ST7: variants seen among roughly 807,000 people sequenced by gnomAD.
ST7 encodes the protein suppression of tumorigenicity 7.
In ST7, 28 loss-of-function variants were observed where a neutral mutation model predicts 78.7. The ratio of observed to expected loss-of-function variants is 0.36; its 90% CI spans 0.26 to 0.49. The LOEUF is 0.49. Among genes scored for constraint, ST7 ranks in the 20% least tolerant of loss-of-function variants. The pLI is 0.99. For missense variants in ST7, 418 were observed against 696.0 expected (o/e 0.60, Z 4.49); for synonymous variants, 247 against 249.6 (o/e 0.99, Z 0.10).
chr7:117,054,019 G>A (rs1002984674), intron 1 of ST7, among the ~76,000 whole-genome samples: 3 of 152,040 alleles, frequency 2.0e-5, no homozygotes, highest in Admixed American at 2.0e-4. Flanking sequence ...TGTATTTTTA[G>A]TAGAGATGGG....
At chr7:116,969,129 G>T in intron 1 of ST7, among the ~76,000 whole-genome samples, 1 of 151,892 alleles carries the variant, frequency 6.6e-6, no homozygotes, top group East Asian at 1.9e-4. Context: ...TTTAGATGTG[G>T]CAGTTTTTCA....
Position 117,096,328 on chromosome 7 carries a change from G to A in ST7, c.152-3434G>A, listed in dbSNP as rs149166216. Among the ~76,000 whole-genome samples, 37 of 152,202 alleles carry A rather than the reference G, an allele frequency of 2.4e-4. 2 individuals are homozygous for A. In the East Asian group the frequency reaches 6.8e-3, roughly 28 times the overall value. On this transcript the variant is annotated intron_variant, in intron 1 of 15. Coordinates refer to ENST00000323984, the MANE Select transcript of ST7 (RefSeq NM_001369598.1). ...CTAGATTCTCCCCCTTCTCAGGGTG[G>A]CTTTCTGCCTTTCCATTCTAGTGCT... is the stretch of plus-strand genomic sequence containing the variant.
chr7:117,111,526 G>T (rs756039941), intron 2 of ST7, among the ~76,000 whole-genome samples: 4 of 152,162 alleles, frequency 2.6e-5, no homozygotes, highest in Non-Finnish European at 5.9e-5. Context: ...AAATAAACAG[G>T]TGTATATTTT....
Position 117,066,681 on chromosome 7 carries a change from AACCTGG to A in ST7, c.152-33079_152-33074del, listed in dbSNP as rs538093255. Among the ~76,000 whole-genome samples the A allele has an allele frequency of 5.2e-4, 78 of 151,240 alleles. No individual in the cohort carries two copies. In the South Asian group the frequency reaches 5.2e-3, roughly 10 times the overall value. On this transcript the variant is annotated intron_variant, in intron 1 of 15. Coordinates refer to ENST00000323984, the MANE Select transcript of ST7 (RefSeq NM_001369598.1). ...GAGGCTGAGGCAGGAGAATCGCTTGAACCTGGAAGGCAGAGATTGCAGTGAGCCGGG... is the reference window on the plus strand; with the variant it reads ...GAGGCTGAGGCAGGAGAATCGCTTGAAAGGCAGAGATTGCAGTGAGCCGGG...
At chr7:117,194,079 C>T (rs38890) in intron 12 of ST7, among the ~76,000 whole-genome samples, 448 of 152,280 alleles carry the variant, frequency 2.9e-3, no homozygotes, top group Non-Finnish European at 4.8e-3. Context: ...CCCCTTGTCT[C>T]TGTTCTGAAG....
chr7:117,020,283 C>T (rs1795816044), intron 1 of ST7: 1 of 369,934 alleles, frequency 2.7e-6, no homozygotes, highest in Admixed American at 4.2e-5. Context: ...CAGTCCTGCC[C>T]CTGCTGCTAC....
At position 117,190,488 on chromosome 7, in the gene ST7, T is replaced by C. The variant is rs936481679; in HGVS notation, c.1152-346T>C. 1.3e-5 allele frequency among the ~76,000 whole-genome samples: 2 copies of C among 152,208 alleles called. No homozygotes were observed. Among genetic ancestry groups the C allele is most frequent in the African/African-American group, 4.8e-5 (2 of 41,458 alleles). ...GTTTTTAACCAAGTGCGCTCTTCTG[T>C]AACCTAGTTTTCTCTTTTTCCTACA... On this transcript the variant is annotated intron_variant, in intron 11 of 15. Transcript: ENST00000323984. This position sits in a 1 kb window ranked among gnomAD's most constrained non-coding sequence, Gnocchi z 5.2.
chr7:117,008,889 C>A (rs529304028), intron 1 of ST7, among the ~76,000 whole-genome samples: 1 of 152,020 alleles, frequency 6.6e-6, no homozygotes, highest in Admixed American at 6.6e-5. Context: ...TTTTTTTTAA[C>A]ATTTTTAAAT....
chr7:117,060,451 G>T (rs949928176), intron 1 of ST7, among the ~76,000 whole-genome samples: 11 of 152,076 alleles, frequency 7.2e-5, no homozygotes, highest in African/African-American at 2.7e-4. Flanking sequence ...CATCAACATG[G>T]CACAATCTTA....
chr7:117,010,663 C>A (rs1020814026), intron 1 of ST7, among the ~76,000 whole-genome samples: 1 of 152,094 alleles, frequency 6.6e-6, no homozygotes, highest in African/African-American at 2.4e-5. Flanking sequence ...GAGGGAAAAC[C>A]CCCTATTTTC....
chr7:117,099,051 AAAAAAAAAAAAAAAC>A (rs1385671301), intron 1 of ST7, among the ~76,000 whole-genome samples: 3 of 142,764 alleles, frequency 2.1e-5, no homozygotes, highest in Non-Finnish European at 4.5e-5. Context: ...TTTCGCAAAA[AAAAAAAAAAAAAAAC>A]AAAAAAAAAA....
chr7:117,064,247 C>T (rs1361963936), intron 1 of ST7, among the ~76,000 whole-genome samples: 1 of 151,758 alleles, frequency 6.6e-6, no homozygotes, highest in Non-Finnish European at 1.5e-5. Flanking sequence ...TATTCTTTTG[C>T]TTTTCTTTTA....
At chr7:117,099,190 G>GA (rs1230122679) in intron 1 of ST7, among the ~76,000 whole-genome samples, 1 of 150,456 alleles carries the variant, frequency 6.6e-6, no homozygotes, top group African/African-American at 2.4e-5. Flanking sequence ...TAAGTAAGTT[G>GA]AAAAAAACCT....
chr7:117,153,470 T>G (rs1448316136), intron 9 of ST7, among the ~76,000 whole-genome samples: 1 of 151,880 alleles, frequency 6.6e-6, no homozygotes, highest in Non-Finnish European at 1.5e-5. Flanking sequence ...GAGGGAGAAG[T>G]GCAGGATCAA....
intron 9 of ST7, among the ~76,000 whole-genome samples, chr7:117,149,146 T>C (rs901426277): frequency 1.3e-5 from 2 of 152,134 alleles, no homozygotes; most frequent in Admixed American, 6.5e-5. Context: ...TGCCCTCTCC[T>C]TGGGCCTGGG....
chr7:117,004,494 CTACTAAAAA>C (rs1446876378), intron 1 of ST7, among the ~76,000 whole-genome samples: 1 of 152,080 alleles, frequency 6.6e-6, no homozygotes, highest in African/African-American at 2.4e-5. Context: ...AACCCCATCT[CTACTAAAAA>C]TACTAAAATT....
intron 9 of ST7, among the ~76,000 whole-genome samples, chr7:117,158,417 C>G (rs1267976148): frequency 6.6e-6 from 1 of 152,206 alleles, no homozygotes; most frequent in Non-Finnish European, 1.5e-5. Flanking sequence ...AGATAACCTT[C>G]CAGCCCTTTG....
rs1796559002 is a variant in ST7, at chr7:117,031,712, GCA to G, written c.152-68049_152-68048del. On this transcript the variant is annotated intron_variant, in intron 1 of 15. Transcript: ENST00000323984. ...CACATATGTATATATGTGTATATAT[GCA>G]TATATATGCATATATATGCATATAT... is the stretch of plus-strand genomic sequence containing the variant. Among the ~76,000 whole-genome samples the G allele has an allele frequency of 2.7e-4, 9 of 33,622 alleles. 4 individuals carry two copies. Among genetic ancestry groups the G allele is most frequent in the African/African-American group, 3.9e-4 (4 of 10,196 alleles). The allele number at this position is 33,622 out of a possible 152,430, so 22.1% of individuals were successfully genotyped here.
chr7:116,958,885 C>A (rs189645800), intron 1 of ST7, among the ~76,000 whole-genome samples: 4 of 151,908 alleles, frequency 2.6e-5, no homozygotes, highest in African/African-American at 9.7e-5. Context: ...GAGAGTCTTG[C>A]CTTGATGTTT....
Sources: gnomAD v4.1 joint callset for allele counts (sites outside exome capture counted in the v4.1 genomes callset) on GRCh38, gnomAD v4.1.1 for gene constraint, Gnocchi (gnomAD v3.1) non-coding constraint, MANE v1.5 for transcripts, NCBI Gene and HGNC (gene_info 2026-07-23, HGNC 2026-07-21) for gene names.